ZPBP2: variants seen among roughly 807,000 people sequenced by gnomAD.
The protein encoded by ZPBP2 is zona pellucida binding protein 2, also known as zona pellucida-binding protein 2.
In ZPBP2, 34 loss-of-function variants were observed where a neutral mutation model predicts 37.5. The observed-to-expected ratio is 0.91, with a 90% CI of 0.69 to 1.21. The LOEUF (loss-of-function observed/expected upper bound fraction) is 1.21. ZPBP2 is among the 50% of genes most tolerant of loss of function. The pLI is 0.00. For synonymous variants in ZPBP2, 143 were observed against 138.4 expected, an observed-to-expected ratio of 1.03 and a Z score of -0.23; for missense variants, 397 against 413.5, an observed-to-expected ratio of 0.96 and a Z score of 0.35.
rs143261983 is a variant in ZPBP2 at position 39,868,248 on chromosome 17, C to T, written c.-107C>T. ...CGACGGACGGGTAGGGGAGGCGACC[C>T]CGGCGTTCTGCTCCGCACTGTGGAG... On this transcript the variant is annotated 5_prime_UTR_variant, in exon 1 of 8. Transcript: ENST00000348931. 3.8e-5 allele frequency: 50 copies of T among 1,325,636 alleles called. No individual in the cohort carries two copies. The highest frequency in any genetic ancestry group is 5.4e-4 in the Middle Eastern group (2 of 3,674). 82.1% of individuals were successfully genotyped at this position (1,325,636 alleles called of 1,614,324 possible).
intron 5 of ZPBP2, 100 bp from the exon 6 acceptor site, chr17:39,872,944 T>A (rs1377539376): frequency 5.2e-6 from 5 of 965,046 alleles, no homozygotes; most frequent in South Asian, 3.0e-5. Flanking sequence ...GGACTAAACA[T>A]GTGCCTGCAT....
chr17:39,873,446 A>G (rs1256105623), intron 6 of ZPBP2, among the ~76,000 whole-genome samples: 1 of 152,176 alleles, frequency 6.6e-6, no homozygotes, highest in African/African-American at 2.4e-5. Context: ...AGTATTAATA[A>G]TATTGATTTT....
intron 7 of ZPBP2, among the ~76,000 whole-genome samples, chr17:39,875,883 C>G (rs1361418849): frequency 1.6e-5 from 1 of 63,770 alleles, no homozygotes; most frequent in East Asian, 4.0e-4. Context: ...TGCTTGGCCC[C>G]TTTTTTTTTT....
In ZPBP2 at chr17:39,877,192, A is replaced by G. The variant is rs2063394484; in HGVS notation, c.*383A>G. On this transcript the variant is annotated 3_prime_UTR_variant, in exon 8 of 8. Coordinates refer to ENST00000348931, the MANE Select transcript of ZPBP2 (RefSeq NM_199321.3). Reference sequence around the variant, plus strand: ...ACTCTTGTGTGATATAAAGGCGTGTATATTATCTTTGTATTAGAACCAAAA... The same window carrying G: ...ACTCTTGTGTGATATAAAGGCGTGTGTATTATCTTTGTATTAGAACCAAAA... 1 of 155,632 alleles carries G rather than the reference A, an allele frequency of 6.4e-6. No individual in the cohort carries two copies. The highest frequency in any genetic ancestry group is 1.4e-5 in the Non-Finnish European group (1 of 70,002). The allele number at this position is 155,632 out of a possible 1,614,324, so 9.6% of individuals were successfully genotyped here. A position where few individuals can be genotyped will look rare whatever the true frequency, so the allele number is the denominator to read the frequency against.
Position 39,872,268 on chromosome 17 carries a change from A to T in ZPBP2, c.407-2A>T. The T allele has an allele frequency of 6.4e-7, 1 of 1,570,158 alleles. No individual in the cohort carries two copies. Among genetic ancestry groups the T allele is most frequent in the Admixed American group, 2.1e-5 (1 of 47,532 alleles). ...ACTCTCATCTTTCTTTTTTTTTTAA[A>T]GCCTATCGGGAACCTGATTATTCAT... On this transcript the variant is annotated splice_acceptor_variant, in intron 4 of 7. Transcript: ENST00000348931. LOFTEE classifies it high-confidence loss of function.
At position 39,875,254 on chromosome 17, in the gene ZPBP2, G is replaced by A. The variant is rs1192555785; in HGVS notation, c.709G>A (p.Ala237Thr). 1 of 1,605,312 alleles carries A rather than the reference G, an allele frequency of 6.2e-7. No individual in the cohort carries two copies. Among genetic ancestry groups the A allele is most frequent in the East Asian group, 2.2e-5 (1 of 44,728 alleles). ...EDTTNHNILQ[A>T]RDRIEDFFRS... ...TTTCTCTGGTATTTTTCAACCTTAGGCAAGAGATCGAATAGAAGACTTTTT... is the reference window on the plus strand; with the variant it reads ...TTTCTCTGGTATTTTTCAACCTTAGACAAGAGATCGAATAGAAGACTTTTT... The change falls in exon 7 of 8, where the codon GCA becomes ACA. Residue 237 changes from alanine (A) to threonine (T), a missense_variant and splice_region_variant. Coordinates refer to ENST00000348931, the MANE Select transcript of ZPBP2 (RefSeq NM_199321.3).
At position 39,873,106 on chromosome 17, in the gene ZPBP2, A is replaced by T. The variant is rs752194644; in HGVS notation, c.688A>T (p.Thr230Ser). ...CNGSVDCEDT[T>S]NHNILQARDR... ...TGGATCTGTTGACTGTGAAGATACCACTAATCATAATATCCTCCAGGTGAG... is the reference window on the plus strand; with the variant it reads ...TGGATCTGTTGACTGTGAAGATACCTCTAATCATAATATCCTCCAGGTGAG... Residue 230 changes from threonine to serine, a missense_variant, in exon 6 of 8, where the codon ACT becomes TCT. Thr to Ser is a moderately conservative substitution (Grantham distance 58, BLOSUM62 1). Coordinates refer to ENST00000348931, the MANE Select transcript of ZPBP2 (RefSeq NM_199321.3). 1 of 1,610,618 alleles carries T rather than the reference A, an allele frequency of 6.2e-7. No homozygotes were observed.
chr17:39,868,261 C>G lies in ZPBP2; in HGVS notation c.-94C>G, dbSNP rs1174454667. The G allele has an allele frequency of 1.5e-5, 22 of 1,469,142 alleles. No individual in the cohort carries two copies. Among genetic ancestry groups the G allele is most frequent in the Non-Finnish European group, 2.0e-5 (22 of 1,074,724 alleles). 91.0% of individuals were successfully genotyped at this position (1,469,142 alleles called of 1,614,324 possible). On this transcript the variant is annotated 5_prime_UTR_variant, in exon 1 of 8. Coordinates refer to ENST00000348931, the MANE Select transcript of ZPBP2 (RefSeq NM_199321.3). ...GGGGAGGCGACCCCGGCGTTCTGCTCCGCACTGTGGAGGAGGTGGGGAGGT... is the reference window on the plus strand; with the variant it reads ...GGGGAGGCGACCCCGGCGTTCTGCTGCGCACTGTGGAGGAGGTGGGGAGGT...
Position 39,876,861 on chromosome 17 carries a change from T to G in ZPBP2, c.*52T>G. ...GGAAGTCGGGGACATAAGATGATTT[T>G]CACATCCCAGAGCATCATAGATAGT... On this transcript the variant is annotated 3_prime_UTR_variant, in exon 8 of 8. Transcript: ENST00000348931. 2 of 1,606,500 alleles carry G rather than the reference T, an allele frequency of 1.2e-6. No individual in the cohort carries two copies. Among genetic ancestry groups the G allele is most frequent in the Non-Finnish European group, 1.7e-6 (2 of 1,175,310 alleles).
Position 39,868,248 on chromosome 17 carries a change from C to G in ZPBP2, c.-107C>G. The G allele has an allele frequency of 2.3e-6, 3 of 1,325,636 alleles. No homozygotes were observed. Among genetic ancestry groups the G allele is most frequent in the South Asian group, 2.8e-5 (2 of 72,314 alleles). The allele number at this position is 1,325,636 out of a possible 1,614,324, so 82.1% of individuals were successfully genotyped here. A position where few individuals can be genotyped will look rare whatever the true frequency, so the allele number is the denominator to read the frequency against. Reference sequence around the variant, plus strand: ...CGACGGACGGGTAGGGGAGGCGACCCCGGCGTTCTGCTCCGCACTGTGGAG... The same window carrying G: ...CGACGGACGGGTAGGGGAGGCGACCGCGGCGTTCTGCTCCGCACTGTGGAG... On this transcript the variant is annotated 5_prime_UTR_variant, in exon 1 of 8. Transcript: ENST00000348931.
intron 6 of ZPBP2, 68 bp downstream of exon 6, chr17:39,873,194 G>A (rs2063373592): frequency 6.8e-7 from 1 of 1,475,908 alleles, no homozygotes. Context: ...TGTCACCCAG[G>A]CTGGAGTGCA....
chr17:39,873,789 ACCATC>A (rs2063376187), intron 6 of ZPBP2, among the ~76,000 whole-genome samples: 1 of 151,966 alleles, frequency 6.6e-6, no homozygotes, highest in Non-Finnish European at 1.5e-5. Context: ...TCTCCCCTCT[ACCATC>A]CTCAGAGGCA....
At chr17:39,872,902 G>A (rs2063371845) in intron 5 of ZPBP2, 142 bp from the exon 6 acceptor site, 1 of 680,102 alleles carries the variant, frequency 1.5e-6, no homozygotes, top group African/African-American at 1.9e-5. Flanking sequence ...TTCAAATTGT[G>A]CACCTTGTTT....
Position 39,871,583 on chromosome 17 carries a change from G to A in ZPBP2, c.364G>A (p.Glu122Lys). ...SYKTVKAETQEEKTVKKRYDF... is the reference protein window; with the variant it reads ...SYKTVKAETQKEKTVKKRYDF... ...TAAGACTGTTAAAGCAGAAACTCAA[G>A]AAGAAAAAACAGTCAAAAAGAGATA... Residue 122 changes from glutamate (E) to lysine (K), a missense_variant, in exon 4 of 8, where the codon GAA (glutamate) becomes AAA (lysine). Glu to Lys is a moderately conservative substitution (Grantham distance 56, BLOSUM62 1). Transcript: ENST00000348931. The A allele has an allele frequency of 6.3e-7, 1 of 1,595,600 alleles. No homozygotes were observed. Among genetic ancestry groups the A allele is most frequent in the Non-Finnish European group, 8.5e-7 (1 of 1,173,142 alleles).
chr17:39,871,367 T>C, intron 3 of ZPBP2, 97 bp from the exon 4 acceptor site: 2 of 811,340 alleles, frequency 2.5e-6, no homozygotes, highest in Non-Finnish European at 3.6e-6. Context: ...GATAGTTCAT[T>C]AATTTTTAAA....
intron 7 of ZPBP2, among the ~76,000 whole-genome samples, 174 bp downstream of exon 7, chr17:39,875,608 G>GT (rs919131003): frequency 1.0e-4 from 14 of 138,590 alleles, no homozygotes; most frequent in African/African-American, 3.1e-4. Flanking sequence ...TTTTTTTTTT[G>GT]TTTTTTTTGA....
chr17:39,874,833 C>T lies in ZPBP2; in HGVS notation c.709-421C>T, dbSNP rs149855076. Among the ~76,000 whole-genome samples, 1,119 of 152,340 alleles carry T rather than the reference C, an allele frequency of 7.3e-3. 10 individuals are homozygous for T. Among genetic ancestry groups the T allele is most frequent in the African/African-American group, 0.026 (1,070 of 41,574 alleles). ...TGGCACGATCTCGGCTCACTGCAAC[C>T]TCCGCCTCCGAGGTTCAAGCAATTC... On this transcript the variant is annotated intron_variant, in intron 6 of 7. Transcript: ENST00000348931.
intron 7 of ZPBP2, among the ~76,000 whole-genome samples, chr17:39,875,892 T>C (rs2063388191): frequency 2.9e-5 from 3 of 103,382 alleles, no homozygotes; most frequent in African/African-American, 7.0e-5. Context: ...CCTTTTTTTT[T>C]TTTTTTTTTT....
intron 6 of ZPBP2, among the ~76,000 whole-genome samples, chr17:39,875,013 T>C (rs1468720622): frequency 6.6e-6 from 1 of 152,260 alleles, no homozygotes; most frequent in African/African-American, 2.4e-5. Flanking sequence ...CCTCCCAAAG[T>C]GCTGGGTTTA....
Sources: gnomAD v4.1 joint callset for allele counts (sites outside exome capture counted in the v4.1 genomes callset) on GRCh38, gnomAD v4.1.1 for gene constraint, MANE v1.5 for transcripts, NCBI Gene and HGNC (gene_info 2026-07-23, HGNC 2026-07-21) for gene names.